Variants in MACROD2 observed in about 807,000 individuals in gnomAD.
MACROD2 encodes ADP-ribose glycohydrolase MACROD2.
MACROD2 carries 36 observed loss-of-function variants against 70.4 expected under a neutral mutation model. That is an observed-to-expected ratio of 0.51 (90% confidence interval 0.39 to 0.68). The LOEUF (loss-of-function observed/expected upper bound fraction) is 0.68. Ranked by LOEUF, MACROD2 falls within the 30% of genes least tolerant of loss-of-function variation. The probability of loss-of-function intolerance (pLI) is 0.00; values close to 1 mark genes in which losing one functional copy is unlikely to be tolerated. For synonymous variants in MACROD2, 172 were observed against 178.8 expected (o/e 0.96, Z 0.30); for missense variants, 496 against 538.4 (o/e 0.92, Z 0.78).
intron 5 of MACROD2, among the ~76,000 whole-genome samples, chr20:14,747,899 A>C (rs2071820558): frequency 6.6e-6 from 1 of 152,124 alleles, no homozygotes; most frequent in Non-Finnish European, 1.5e-5. Flanking sequence ...ATCCACGTGT[A>C]ATAAAGTCAA....
intron 12 of MACROD2, among the ~76,000 whole-genome samples, chr20:15,958,064 C>A (rs939406156): frequency 6.6e-6 from 1 of 152,180 alleles, no homozygotes; most frequent in Admixed American, 6.5e-5. Context: ...GGGAAAGCTA[C>A]TTCTTATTCT....
chr20:14,918,077 G>A lies in MACROD2; in HGVS notation c.418+233118G>A, dbSNP rs557712143. On this transcript the variant is annotated intron_variant, in intron 5 of 17. Transcript: ENST00000684519. Reference sequence around the variant, plus strand: ...AGCCTCGACCACCCCAGGTTCAGGTGATCCTCCCATCTCAGCCTCACGAGT... The same window carrying A: ...AGCCTCGACCACCCCAGGTTCAGGTAATCCTCCCATCTCAGCCTCACGAGT... 2.6e-5 allele frequency among the ~76,000 whole-genome samples: 4 copies of A among 152,132 alleles called. No individual in the cohort carries two copies. The East Asian group carries it at 5.8e-4, about 22-fold the overall frequency.
At chr20:15,105,144 T>C (rs1158023946) in intron 5 of MACROD2, among the ~76,000 whole-genome samples, 3 of 152,162 alleles carry the variant, frequency 2.0e-5, no homozygotes, top group Non-Finnish European at 2.9e-5. Flanking sequence ...AATTTGTTCA[T>C]GTGGAACTGG....
chr20:15,297,159 A>G (rs144908159), intron 6 of MACROD2, among the ~76,000 whole-genome samples: 1 of 152,254 alleles, frequency 6.6e-6, no homozygotes, highest in African/African-American at 2.4e-5. Context: ...TGTTTATTGC[A>G]GATTGTTCCT....
chr20:15,859,967 C>G (rs553615361), intron 8 of MACROD2, among the ~76,000 whole-genome samples: 1 of 152,198 alleles, frequency 6.6e-6, no homozygotes, highest in South Asian at 2.1e-4. Context: ...AACCCTGTCT[C>G]TACTAAAAAT....
intron 6 of MACROD2, among the ~76,000 whole-genome samples, chr20:15,289,795 T>A (rs62205198): frequency 2.6e-5 from 4 of 152,116 alleles, no homozygotes; most frequent in Non-Finnish European, 4.4e-5. Flanking sequence ...TCTGGCTCAC[T>A]CACTCAGCAA....
At chr20:16,023,154 A>G (rs564759050) in intron 15 of MACROD2, among the ~76,000 whole-genome samples, 1 of 151,978 alleles carries the variant, frequency 6.6e-6, no homozygotes, top group South Asian at 2.1e-4. Flanking sequence ...AAAGAGCACT[A>G]CCCTCAGATG....
At chr20:14,552,780 A>G (rs141972186) in intron 4 of MACROD2, among the ~76,000 whole-genome samples, 1,989 of 152,252 alleles carry the variant, frequency 0.013, 27 homozygotes, top group Non-Finnish European at 0.019. Context: ...TAGAAAAGGT[A>G]CAGTAAAAAT....
At chr20:14,606,002 C>T (rs1006112933) in intron 4 of MACROD2, among the ~76,000 whole-genome samples, 4 of 152,020 alleles carry the variant, frequency 2.6e-5, no homozygotes, top group Admixed American at 2.6e-4. Context: ...TGCTTGGTTG[C>T]TCTTGTGTAT....
intron 3 of MACROD2, among the ~76,000 whole-genome samples, chr20:14,235,315 CATA>C (rs2081858846): frequency 6.6e-6 from 1 of 152,070 alleles, no homozygotes; most frequent in South Asian, 2.1e-4. Context: ...AAATATTTTG[CATA>C]ATGACATCTA....
At chr20:14,009,974 G>A (rs1029069947) in intron 2 of MACROD2, among the ~76,000 whole-genome samples, 1 of 152,140 alleles carries the variant, frequency 6.6e-6, no homozygotes, top group African/African-American at 2.4e-5. Flanking sequence ...CTGTCAGAAG[G>A]TAAGGATGGG....
intron 5 of MACROD2, among the ~76,000 whole-genome samples, chr20:15,198,617 A>G (rs937457017): frequency 6.6e-6 from 1 of 152,166 alleles, no homozygotes; most frequent in Admixed American, 6.5e-5. Flanking sequence ...CATAATTATT[A>G]TTTAATAATG....
chr20:15,596,950 C>T (rs1452693991), intron 8 of MACROD2, among the ~76,000 whole-genome samples: 1 of 152,196 alleles, frequency 6.6e-6, no homozygotes, highest in Non-Finnish European at 1.5e-5. Context: ...GATTTTGGCT[C>T]AGGCATAAGA....
At chr20:14,442,653 A>G (rs1168574695) in intron 3 of MACROD2, among the ~76,000 whole-genome samples, 1 of 152,020 alleles carries the variant, frequency 6.6e-6, no homozygotes, top group Admixed American at 6.6e-5. Context: ...TCACTCCCCA[A>G]TTCCTAATGC....
chr20:14,084,940 CTG>C (rs1431793832), intron 2 of MACROD2, among the ~76,000 whole-genome samples: 1 of 150,576 alleles, frequency 6.6e-6, no homozygotes, highest in African/African-American at 2.4e-5. Flanking sequence ...CTGGCCAACA[CTG>C]TGAAACCCTG....
intron 5 of MACROD2, among the ~76,000 whole-genome samples, chr20:15,108,664 A>G (rs1004039915): frequency 6.6e-6 from 1 of 152,162 alleles, no homozygotes; most frequent in African/African-American, 2.4e-5. Flanking sequence ...TTGTTTAGCA[A>G]GGATATTAAA....
At chr20:14,777,030 T>C (rs2072242987) in intron 5 of MACROD2, among the ~76,000 whole-genome samples, 1 of 152,104 alleles carries the variant, frequency 6.6e-6, no homozygotes, top group Admixed American at 6.5e-5. Context: ...TAATATTCTA[T>C]TGTGTGACTA....
intron 4 of MACROD2, among the ~76,000 whole-genome samples, chr20:14,658,423 A>G (rs1986076396): frequency 6.6e-6 from 1 of 152,166 alleles, no homozygotes; most frequent in South Asian, 2.1e-4. Context: ...TATTTTTCCT[A>G]ATTTTATTTC....
At chr20:15,768,050 C>T (rs1468494452) in intron 8 of MACROD2, among the ~76,000 whole-genome samples, 1 of 150,008 alleles carries the variant, frequency 6.7e-6, no homozygotes, top group African/African-American at 2.5e-5. Flanking sequence ...AAAAAATAGG[C>T]AATAGAGAAA....
Sources: gnomAD v4.1 joint callset for allele counts (sites outside exome capture counted in the v4.1 genomes callset) on GRCh38, gnomAD v4.1.1 for gene constraint, MANE v1.5 for transcripts, NCBI Gene and HGNC (gene_info 2026-07-23, HGNC 2026-07-21) for gene names.